CAMK2G: variants seen among roughly 807,000 people sequenced by gnomAD.
CAMK2G encodes calcium/calmodulin-dependent protein kinase type II subunit gamma.
In CAMK2G, 23 loss-of-function variants were observed where a neutral mutation model predicts 88.7. The ratio of observed to expected loss-of-function variants is 0.26; its 90% CI spans 0.19 to 0.37. The LOEUF is 0.37. CAMK2G is among the 10% of genes least tolerant of loss of function. The pLI, the probability that CAMK2G is intolerant of heterozygous loss-of-function variation, is 1.00. For missense variants in CAMK2G, 476 were observed against 780.8 expected (o/e 0.61, Z 4.65); for synonymous variants, 263 against 294.8 (o/e 0.89, Z 1.11).
intron 3 of CAMK2G, among the ~76,000 whole-genome samples, chr10:73,860,425 G>C (rs948909181): frequency 6.6e-6 from 1 of 152,120 alleles, no homozygotes; most frequent in African/African-American, 2.4e-5. Context: ...ACCGCAGCAG[G>C]AACAAAACTC....
At chr10:73,834,984 G>C (rs2134076716) in intron 14 of CAMK2G, among the ~76,000 whole-genome samples, 1 of 149,820 alleles carries the variant, frequency 6.7e-6, no homozygotes, top group South Asian at 2.2e-4. Context: ...GAATCATCAT[G>C]CTGTTTCAAC....
chr10:73,847,170 G>A (rs1348955564), intron 10 of CAMK2G, 55 bp downstream of exon 10: 8 of 1,590,498 alleles, frequency 5.0e-6, no homozygotes, highest in Non-Finnish European at 6.9e-6. Context: ...TGGTGCCGAG[G>A]GCACACAGAA....
intron 18 of CAMK2G, 47 bp downstream of exon 18, chr10:73,821,635 C>G (rs778957814): frequency 3.4e-6 from 5 of 1,477,262 alleles, no homozygotes; most frequent in Non-Finnish European, 4.7e-6. Flanking sequence ...AGCCCAGGTA[C>G]CTGGGTCACT....
intron 15 of CAMK2G, among the ~76,000 whole-genome samples, chr10:73,825,929 CAG>C (rs1565219994): frequency 6.6e-6 from 1 of 152,312 alleles, no homozygotes; most frequent in South Asian, 2.1e-4. Flanking sequence ...CCTCAGGGAG[CAG>C]AGTCAGGACT....
chr10:73,837,434 G>C lies in CAMK2G; in HGVS notation c.1053+34C>G, dbSNP rs573753347. 3.2e-6 allele frequency: 5 copies of C among 1,577,874 alleles called. No homozygotes were observed. The East Asian group carries it at 1.1e-4, about 35-fold the overall frequency. On this transcript the variant is annotated intron_variant, in intron 14 of 22. Coordinates refer to ENST00000423381, the MANE Select transcript of CAMK2G (RefSeq NM_001367534.1). ...TTCCCATAGTGACTGCGGGGAGAAA[G>C]AGGCCAGTCTGTTCAGAGGCTGGAG...
intron 2 of CAMK2G, among the ~76,000 whole-genome samples, chr10:73,861,225 A>G (rs1429459155): frequency 2.0e-5 from 3 of 152,178 alleles, no homozygotes; most frequent in African/African-American, 7.2e-5. Flanking sequence ...TTTCCAGATG[A>G]GGAAATGACT....
In CAMK2G at chr10:73,814,242, C is replaced by T. The variant is rs2084748682; in HGVS notation, c.*276G>A. 1 of 151,518 alleles carries T rather than the reference C, an allele frequency of 6.6e-6. No individual in the cohort carries two copies. Among genetic ancestry groups the T allele is most frequent in the Non-Finnish European group, 1.5e-5 (1 of 67,892 alleles). 9.4% of individuals were successfully genotyped at this position (151,518 alleles called of 1,614,324 possible). ...CCAAGGGCTGTCGGTGGTTTTAAAACGCATCATGGTATGGATTCCTTTTTT... is the reference window on the plus strand; with the variant it reads ...CCAAGGGCTGTCGGTGGTTTTAAAATGCATCATGGTATGGATTCCTTTTTT... On this transcript the variant is annotated 3_prime_UTR_variant, in exon 23 of 23. Transcript: ENST00000423381.
chr10:73,859,199 C>T (rs1025101517), intron 3 of CAMK2G, among the ~76,000 whole-genome samples: 20 of 152,184 alleles, frequency 1.3e-4, no homozygotes, highest in African/African-American at 1.9e-4. Context: ...CACAAGCTTG[C>T]AAGGCCTACA....
chr10:73,860,774 CT>C, intron 3 of CAMK2G, 55 bp downstream of exon 3: 1 of 1,259,532 alleles, frequency 7.9e-7, no homozygotes, highest in Non-Finnish European at 1.2e-6. Context: ...CAGTGGATAT[CT>C]GTTATCCCTG....
At chr10:73,817,186 C>T (rs924738394) in intron 20 of CAMK2G, 69 bp from the exon 21 acceptor site, 70 of 1,541,766 alleles carry the variant, frequency 4.5e-5, no homozygotes, top group South Asian at 4.0e-4. Flanking sequence ...TCCTTATCAG[C>T]GGTGTCTATC....
At chr10:73,852,454 G>A (rs2094699160) in intron 4 of CAMK2G, 135 bp from the exon 5 acceptor site, 2 of 702,088 alleles carry the variant, frequency 2.8e-6, no homozygotes, top group Admixed American at 4.3e-5. Flanking sequence ...TCATCTGAGA[G>A]CTCAGAACAC....
rs185327799 is a variant in CAMK2G, at chr10:73,840,873, A to G, written c.947-1272T>C. On this transcript the variant is annotated intron_variant, in intron 12 of 22. Transcript: ENST00000423381. ...AGACCCAAAAAGTAGAAGCTGCGTC[A>G]TTAAAGCACAAGAAGCAAGTGTGGG... Among the ~76,000 whole-genome samples, 37 of 152,372 alleles carry G rather than the reference A, an allele frequency of 2.4e-4. No homozygotes were observed. In the East Asian group the frequency reaches 7.1e-3, roughly 29 times the overall value.
chr10:73,817,000 A>G (rs1210474707), intron 21 of CAMK2G, 23 bp downstream of exon 21: 3 of 1,613,992 alleles, frequency 1.9e-6, no homozygotes, highest in Non-Finnish European at 2.5e-6. Context: ...GCAGGAGTAT[A>G]TCAGCAGCAC....
At chr10:73,833,890 C>G (rs2092853076) in intron 14 of CAMK2G, among the ~76,000 whole-genome samples, 2 of 145,024 alleles carry the variant, frequency 1.4e-5, no homozygotes, top group Non-Finnish European at 3.0e-5. Flanking sequence ...TGAGCCACCA[C>G]ACCTAGCCTA....
rs143548135 is a variant in CAMK2G at position 73,856,063 on chromosome 10, G to A, written c.221-2817C>T. ...GCTGGGACCACAGCTGTGAGCCACC[G>A]CACCCCATCAGATTCTGATAATAAC... On this transcript the variant is annotated intron_variant, in intron 3 of 22. Transcript: ENST00000423381. Among the ~76,000 whole-genome samples, 219 of 152,034 alleles carry A rather than the reference G, an allele frequency of 1.4e-3. 9 individuals carry two copies. Among genetic ancestry groups the A allele is most frequent in the African/African-American group, 4.8e-3 (197 of 41,448 alleles).
At position 73,813,419 on chromosome 10, in the gene CAMK2G, G is replaced by C. The variant is rs1259739998; in HGVS notation, c.*1099C>G. The C allele has an allele frequency of 6.5e-6, 1 of 152,696 alleles. No individual in the cohort carries two copies. The highest frequency in any genetic ancestry group is 1.5e-5 in the Non-Finnish European group (1 of 68,066). The allele number at this position is 152,696 out of a possible 1,614,324, so 9.5% of individuals were successfully genotyped here. A position where few individuals can be genotyped will look rare whatever the true frequency, so the allele number is the denominator to read the frequency against. Reference sequence around the variant, plus strand: ...CGTGCAGCAAGGAAGAATAAGAAGGGAGGCAGCCCCAAAGGCAGCCTGAAT... The same window carrying C: ...CGTGCAGCAAGGAAGAATAAGAAGGCAGGCAGCCCCAAAGGCAGCCTGAAT... On this transcript the variant is annotated 3_prime_UTR_variant, in exon 23 of 23. Transcript: ENST00000423381.
chr10:73,825,372 A>C (rs1361257513), intron 15 of CAMK2G, 25 bp from the exon 16 acceptor site: 2 of 1,596,750 alleles, frequency 1.3e-6, no homozygotes, highest in African/African-American at 2.7e-5. Flanking sequence ...CAGATGGTTT[A>C]GTTCCTCCAG....
At chr10:73,856,042 G>C (rs2095007803) in intron 3 of CAMK2G, among the ~76,000 whole-genome samples, 1 of 151,994 alleles carries the variant, frequency 6.6e-6, no homozygotes, top group African/African-American at 2.4e-5. Context: ...TGAGAGGCTG[G>C]GACCACAGCT....
At chr10:73,851,333 C>T (rs1043813645) in intron 5 of CAMK2G, among the ~76,000 whole-genome samples, 1 of 152,126 alleles carries the variant, frequency 6.6e-6, no homozygotes, top group Non-Finnish European at 1.5e-5. Context: ...TGAACAGGCG[C>T]CTGAGAGCGT....
Sources: gnomAD v4.1 joint callset for allele counts (sites outside exome capture counted in the v4.1 genomes callset) on GRCh38, gnomAD v4.1.1 for gene constraint, MANE v1.5 for transcripts, NCBI Gene and HGNC (gene_info 2026-07-23, HGNC 2026-07-21) for gene names.